CYP1A2: variants seen among roughly 807,000 people sequenced by gnomAD.
CYP1A2 encodes the protein cytochrome P450 family 1 subfamily A member 2.
A neutral mutation model predicts 34.7 loss-of-function variants in CYP1A2; 35 were observed. The ratio of observed to expected loss-of-function variants is 1.01; its 90% CI spans 0.77 to 1.34. The LOEUF is 1.34. Among genes scored for constraint, CYP1A2 ranks in the 40% most tolerant of loss-of-function variants. The pLI is 0.00. For synonymous variants in CYP1A2, 288 were observed against 281.9 expected, an observed-to-expected ratio of 1.02 and a Z score of -0.22; for missense variants, 675 against 675.8, an observed-to-expected ratio of 1.00 and a Z score of 0.01.
rs1354747289 is a variant in CYP1A2, at chr15:74,752,280, A to G, written c.1166+33A>G. ...CTGCCGGTTCTGCCCTCCCACCTCTAAAGTGCTTGCCATGTTTTCTCTTCC... is the reference window on the plus strand; with the variant it reads ...CTGCCGGTTCTGCCCTCCCACCTCTGAAGTGCTTGCCATGTTTTCTCTTCC... On this transcript the variant is annotated intron_variant, in intron 5 of 6. Transcript: ENST00000343932. The G allele has an allele frequency of 1.9e-6, 3 of 1,610,718 alleles. No homozygotes were observed. In the African/African-American group the frequency reaches 4.0e-5, roughly 22 times the overall value.
chr15:74,752,016 C>T (rs912160032), intron 4 of CYP1A2, 108 bp from the exon 5 acceptor site: 16 of 1,562,690 alleles, frequency 1.0e-5, no homozygotes, highest in African/African-American at 1.4e-5. Flanking sequence ...GGGTCGCAGA[C>T]TTGTGAATAG....
At chr15:74,749,582 C>A (rs1484476862) in intron 1 of CYP1A2, 148 bp from the exon 2 acceptor site, 2 of 657,226 alleles carry the variant, frequency 3.0e-6, no homozygotes, top group Non-Finnish European at 5.1e-6. Context: ...GGGCCCAGGA[C>A]GCATGGTAGA....
intron 6 of CYP1A2, 33 bp downstream of exon 6, chr15:74,753,303 C>T: frequency 6.4e-7 from 1 of 1,555,566 alleles, no homozygotes; most frequent in Non-Finnish European, 8.9e-7. Context: ...AAAATGTGTG[C>T]AGGTTCAGCA....
chr15:74,750,468 T>A lies in CYP1A2; in HGVS notation c.730T>A (p.Tyr244Asn). The stretch of plus-strand genomic sequence containing the variant: ...CCTGGACTTCTTCCCCATCCTTCGC[T>A]ACCTGCCTAACCCTGCCCTGCAGAG... ...NPLDFFPILR[Y>N]LPNPALQRFK... The change falls in exon 2 of 7, where the codon TAC becomes AAC. Residue 244 changes from tyrosine (Y) to asparagine (N), a missense_variant. Physicochemically the swap from Tyr to Asn is moderately radical, Grantham distance 143 (BLOSUM62 -2). Coordinates refer to ENST00000343932, the MANE Select transcript of CYP1A2 (RefSeq NM_000761.5). 6.2e-7 allele frequency: 1 copy of A among 1,614,196 alleles called. No individual in the cohort carries two copies. Among genetic ancestry groups the A allele is most frequent in the Non-Finnish European group, 8.5e-7 (1 of 1,180,032 alleles).
intron 5 of CYP1A2, 48 bp from the exon 6 acceptor site, chr15:74,753,136 C>A (rs766562768): frequency 1.3e-6 from 2 of 1,515,356 alleles, no homozygotes; most frequent in Non-Finnish European, 1.8e-6. Context: ...GCAACACATG[C>A]CCCAGCTTTC....
chr15:74,752,231 T>G lies in CYP1A2; in HGVS notation c.1150T>G (p.Phe384Val). The change falls in exon 5 of 7, where the codon TTC becomes GTC. Residue 384 changes from phenylalanine (F) to valine (V), a missense_variant. By Grantham distance (50) the Phe-to-Val change is conservative. Transcript: ENST00000343932. ...CTTCCGACACTCCTCCTTCTTGCCCTTCACCATCCCCCACAGGTGAGGCCT... is the reference window on the plus strand; with the variant it reads ...CTTCCGACACTCCTCCTTCTTGCCCGTCACCATCCCCCACAGGTGAGGCCT... ...ETFRHSSFLP[F>V]TIPHSTTRDT... The G allele has an allele frequency of 6.2e-7, 1 of 1,613,948 alleles. No individual in the cohort carries two copies. The highest frequency in any genetic ancestry group is 8.5e-7 in the Non-Finnish European group (1 of 1,179,926).
chr15:74,755,167 T>C lies in CYP1A2; in HGVS notation c.*79T>C, dbSNP rs2063332768. 6 of 1,486,110 alleles carry C rather than the reference T, an allele frequency of 4.0e-6. No homozygotes were observed. The highest frequency in any genetic ancestry group is 1.3e-5 in the South Asian group (1 of 78,098). The allele number at this position is 1,486,110 out of a possible 1,614,324, so 92.1% of individuals were successfully genotyped here. Reference sequence around the variant, plus strand: ...CTCAGCCCTTGTTTCTCTTCCTTTCTTTTTTTAAAAAATAGCAGCTTTAGC... The same window carrying C: ...CTCAGCCCTTGTTTCTCTTCCTTTCCTTTTTTAAAAAATAGCAGCTTTAGC... On this transcript the variant is annotated 3_prime_UTR_variant, in exon 7 of 7. Transcript: ENST00000343932.
intron 3 of CYP1A2, among the ~76,000 whole-genome samples, 194 bp from the exon 4 acceptor site, chr15:74,751,571 T>A (rs944426961): frequency 6.6e-6 from 1 of 152,230 alleles, no homozygotes; most frequent in Non-Finnish European, 1.5e-5. Context: ...TCTAGGCCCC[T>A]ATAATTCCAG....
In CYP1A2 at chr15:74,753,176, C is replaced by T. The variant is rs199635816; in HGVS notation, c.1167-8C>T. ...CCTGAGCCTCACAGTGCCCTCTTCC[C>T]TCCTCAGCACAACAAGGGACACAAC... On this transcript the variant is annotated splice_polypyrimidine_tract_variant and splice_region_variant and intron_variant, in intron 5 of 6. Coordinates refer to ENST00000343932, the MANE Select transcript of CYP1A2 (RefSeq NM_000761.5). 1 of 1,612,652 alleles carries T rather than the reference C, an allele frequency of 6.2e-7. No individual in the cohort carries two copies. Among genetic ancestry groups the T allele is most frequent in the African/African-American group, 1.3e-5 (1 of 74,824 alleles).
At position 74,755,369 on chromosome 15, in the gene CYP1A2, AC is replaced by A. The variant is rs57295890; in HGVS notation, c.*282del. 0.034 allele frequency: 8,747 copies of A among 258,644 alleles called. 615 individuals are homozygous for A. Among genetic ancestry groups the A allele is most frequent in the Admixed American group, 0.18 (3,039 of 17,268 alleles). 16.0% of individuals were successfully genotyped at this position (258,644 alleles called of 1,614,324 possible). A position where few individuals can be genotyped will look rare whatever the true frequency, so the allele number is the denominator to read the frequency against. Reference sequence around the variant, plus strand: ...CCATCTCAAAAAAAAAAACAAACAAACAAAAAAAAAACCATATATATACATA... The same window carrying A: ...CCATCTCAAAAAAAAAAACAAACAAAAAAAAAAAAACCATATATATACATA... On this transcript the variant is annotated 3_prime_UTR_variant, in exon 7 of 7. Coordinates refer to ENST00000343932, the MANE Select transcript of CYP1A2 (RefSeq NM_000761.5).
rs1420269218 is a variant in CYP1A2, at chr15:74,750,008, C to T, written c.270C>T (p.Arg90=). The stretch of plus-strand genomic sequence containing the variant: ...CCACGCCCGTGCTGGTGCTGAGCCG[C>T]CTGGACACCATCCGGCAGGCCCTGG... ...IGSTPVLVLS[R]LDTIRQALVR... is the part of the protein sequence containing the mutation. The change falls in exon 2 of 7, where the codon CGC becomes CGT. Residue 90 remains arginine (R), a synonymous_variant. Coordinates refer to ENST00000343932, the MANE Select transcript of CYP1A2 (RefSeq NM_000761.5). 7 of 1,614,102 alleles carry T rather than the reference C, an allele frequency of 4.3e-6. No individual in the cohort carries two copies. Among genetic ancestry groups the T allele is most frequent in the Non-Finnish European group, 5.9e-6 (7 of 1,180,026 alleles).
chr15:74,756,265 A>T lies in CYP1A2; in HGVS notation c.*1177A>T, dbSNP rs2063337700. The T allele has an allele frequency of 1.3e-5, 2 of 151,328 alleles. No individual in the cohort carries two copies. The highest frequency in any genetic ancestry group is 1.3e-4 in the Admixed American group (2 of 15,146). 9.4% of individuals were successfully genotyped at this position (151,328 alleles called of 1,614,324 possible). A position where few individuals can be genotyped will look rare whatever the true frequency, so the allele number is the denominator to read the frequency against. On this transcript the variant is annotated 3_prime_UTR_variant, in exon 7 of 7. Coordinates refer to ENST00000343932, the MANE Select transcript of CYP1A2 (RefSeq NM_000761.5). ...CCCAAGTAGCTGAGACTACAGGCAC[A>T]CACCACCACGCCTGGCTAATTTTTG...
chr15:74,756,598 A>G lies in CYP1A2; in HGVS notation c.*1510A>G, dbSNP rs1039399225. ...CATTTCATATAAATGGAATTACACA[A>G]TGAGTGGTCTTTTGTGACTGGCTTC... On this transcript the variant is annotated 3_prime_UTR_variant, in exon 7 of 7. Transcript: ENST00000343932. 1.3e-5 allele frequency among the ~76,000 whole-genome samples: 2 copies of G among 152,132 alleles called. No individual in the cohort carries two copies. Among genetic ancestry groups the G allele is most frequent in the Non-Finnish European group, 2.9e-5 (2 of 68,030 alleles).
At chr15:74,753,733 C>CAA (rs34240703) in intron 6 of CYP1A2, among the ~76,000 whole-genome samples, 4 of 129,370 alleles carry the variant, frequency 3.1e-5, no homozygotes, top group African/African-American at 1.2e-4. Flanking sequence ...GACTCTGCCT[C>CAA]AAAAAAAAAA....
intron 3 of CYP1A2, 60 bp downstream of exon 3, chr15:74,751,369 C>A: frequency 6.2e-7 from 1 of 1,601,278 alleles, no homozygotes; most frequent in South Asian, 1.1e-5. Context: ...CACAGCCTTG[C>A]CCAGCCCCTC....
chr15:74,750,047 C>A lies in CYP1A2; in HGVS notation c.309C>A (p.Asp103Glu). The change falls in exon 2 of 7, where the codon GAC (aspartate) becomes GAA (glutamate). Residue 103 changes from aspartate (D) to glutamate (E), a missense_variant. Coordinates refer to ENST00000343932, the MANE Select transcript of CYP1A2 (RefSeq NM_000761.5). ...TIRQALVRQGDDFKGRPDLYT... is the reference protein window; with the variant it reads ...TIRQALVRQGEDFKGRPDLYT... ...GGCAGGCCCTGGTGCGGCAGGGCGA[C>A]GATTTCAAGGGCCGGCCTGACCTCT... is the stretch of plus-strand genomic sequence containing the variant. 1.2e-6 allele frequency: 2 copies of A among 1,613,964 alleles called. No individual in the cohort carries two copies. The highest frequency in any genetic ancestry group is 1.7e-6 in the Non-Finnish European group (2 of 1,180,008).
chr15:74,751,179 G>GC lies in CYP1A2; in HGVS notation c.832-5dup. On this transcript the variant is annotated splice_polypyrimidine_tract_variant and intron_variant, in intron 2 of 6. Transcript: ENST00000343932. ...GTGCCAGAGGTGCCCCTAAGCTTGT[G>GC]CCCCCTCAGAACAGTGTCCGGGACA... is the stretch of plus-strand genomic sequence containing the variant. The GC allele has an allele frequency of 6.2e-7, 1 of 1,613,722 alleles. No individual in the cohort carries two copies. Among genetic ancestry groups the GC allele is most frequent in the Non-Finnish European group, 8.5e-7 (1 of 1,179,804 alleles).
chr15:74,752,009 T>A (rs973931807), intron 4 of CYP1A2, 115 bp from the exon 5 acceptor site: 1 of 1,551,516 alleles, frequency 6.4e-7, no homozygotes, highest in Non-Finnish European at 8.7e-7. Context: ...GTTAGTGGGG[T>A]CGCAGACTTG....
At chr15:74,751,148 T>C (rs1172580852) in intron 2 of CYP1A2, 41 bp from the exon 3 acceptor site, 8 of 1,611,434 alleles carry the variant, frequency 5.0e-6, no homozygotes, top group East Asian at 4.5e-5. Context: ...GCCTTTGACC[T>C]TGGAAGTGCC....
Sources: gnomAD v4.1 joint callset for allele counts (sites outside exome capture counted in the v4.1 genomes callset) on GRCh38, gnomAD v4.1.1 for gene constraint, MANE v1.5 for transcripts, NCBI Gene and HGNC (gene_info 2026-07-23, HGNC 2026-07-21) for gene names.